Variants in PKHD1L1 observed in about 807,000 individuals in gnomAD.
The protein encoded by PKHD1L1 is fibrocystin-L.
In PKHD1L1, 434 loss-of-function variants were observed where a neutral mutation model predicts 462.9. That is an observed-to-expected ratio of 0.94 (90% CI 0.87 to 1.02). The LOEUF is 1.02. Among genes scored for constraint, PKHD1L1 ranks in the 50% least tolerant of loss-of-function variants. The pLI is 0.00. For missense variants in PKHD1L1, 5,202 were observed against 5,096.1 expected (o/e 1.02, Z -0.63); for synonymous variants, 1,781 against 1,750.0 (o/e 1.02, Z -0.44).
Position 109,532,880 on chromosome 8 carries a change from T to A in PKHD1L1, c.*2790T>A, listed in dbSNP as rs1433524622. Among the ~76,000 whole-genome samples, 1 of 152,222 alleles carries A rather than the reference T, an allele frequency of 6.6e-6. No individual in the cohort carries two copies. Among genetic ancestry groups the A allele is most frequent in the African/African-American group, 2.4e-5 (1 of 41,458 alleles). ...CACTAATAATAACAATAATCAATAA[T>A]AAAGTAAAGGTTTATCACATGTTCA... On this transcript the variant is annotated 3_prime_UTR_variant, in exon 78 of 78. Coordinates refer to ENST00000378402, the MANE Select transcript of PKHD1L1 (RefSeq NM_177531.6).
intron 70 of PKHD1L1, among the ~76,000 whole-genome samples, chr8:109,509,860 TAGGA>T (rs1336990309): frequency 6.6e-6 from 1 of 152,104 alleles, no homozygotes; most frequent in Non-Finnish European, 1.5e-5. Flanking sequence ...CCAAGTAAGC[TAGGA>T]AATTCAGAAA....
intron 2 of PKHD1L1, among the ~76,000 whole-genome samples, chr8:109,367,310 A>G (rs759897837): frequency 6.6e-6 from 1 of 152,248 alleles, no homozygotes; most frequent in Non-Finnish European, 1.5e-5. Flanking sequence ...GTACTTATTT[A>G]TCAATTACAC....
Position 109,512,599 on chromosome 8 carries a change from C to A in PKHD1L1, c.11553+1665C>A, listed in dbSNP as rs1405761960. ...TACCATGCTGTTTTGGTTACTGTAGCCTTGTAGTATAGTTTGAAGTCAGGT... is the reference window on the plus strand; with the variant it reads ...TACCATGCTGTTTTGGTTACTGTAGACTTGTAGTATAGTTTGAAGTCAGGT... On this transcript the variant is annotated intron_variant, in intron 71 of 77. Transcript: ENST00000378402. Among the ~76,000 whole-genome samples the A allele has an allele frequency of 1.1e-3, 161 of 151,216 alleles. 1 individual carries two copies. The highest frequency in any genetic ancestry group is 3.8e-3 in the African/African-American group (156 of 41,368).
chr8:109,381,460 C>T lies in PKHD1L1; in HGVS notation c.254C>T (p.Thr85Ile), dbSNP rs764422173. ...VQLISSFQSI[T>I]CDVEKDASHS... Reference sequence around the variant, plus strand: ...TTAATTTCTTCTTTCCAGTCAATTACTTGTGATGTAGAAAAAGATGCAAGT... The same window carrying T: ...TTAATTTCTTCTTTCCAGTCAATTATTTGTGATGTAGAAAAAGATGCAAGT... Residue 85 changes from threonine to isoleucine, a missense_variant, in exon 3 of 78, where the codon ACT (threonine) becomes ATT (isoleucine). Physicochemically the swap from Thr to Ile is moderately conservative, Grantham distance 89 (BLOSUM62 -1). This residue lies in a region of PKHD1L1 where 4,497 missense variants were observed against 4,336.8 expected (regional missense o/e 1.04). Coordinates refer to ENST00000378402, the MANE Select transcript of PKHD1L1 (RefSeq NM_177531.6). 3.8e-6 allele frequency: 6 copies of T among 1,584,234 alleles called. No homozygotes were observed. The highest frequency in any genetic ancestry group is 3.4e-5 in the South Asian group (3 of 87,120).
In PKHD1L1 at chr8:109,451,057, A is replaced by G. The variant is rs1394689549; in HGVS notation, c.6258A>G (p.Ala2086=). ...AGTCCATGACTCCGTTTACGTACGC[A>G]GTGTCACTGACTCCACTCATCACTG... ...LSQSMTPFTY[A]VSLTPLITAV... Residue 2086 remains alanine (A), a synonymous_variant, in exon 41 of 78, where the codon GCA becomes GCG. Transcript: ENST00000378402. The G allele has an allele frequency of 3.1e-6, 5 of 1,613,840 alleles. No individual in the cohort carries two copies. Among genetic ancestry groups the G allele is most frequent in the East Asian group, 2.2e-5 (1 of 44,854 alleles).
At chr8:109,453,442 A>G (rs1816650234) in intron 43 of PKHD1L1, among the ~76,000 whole-genome samples, 1 of 152,224 alleles carries the variant, frequency 6.6e-6, no homozygotes, top group Non-Finnish European at 1.5e-5. Flanking sequence ...AATAACCACA[A>G]CTGTGATAAT....
rs1006573104 is a variant in PKHD1L1 at position 109,477,358 on chromosome 8, A to G, written c.9051A>G (p.Ser3017=). The G allele has an allele frequency of 1.9e-6, 3 of 1,613,422 alleles. No homozygotes were observed. The highest frequency in any genetic ancestry group is 2.5e-6 in the Non-Finnish European group (3 of 1,179,618). ...LQDCFPVHPP[S]RKPIPKKRPA... is the part of the protein sequence containing the mutation. The stretch of plus-strand genomic sequence containing the variant: ...ATTGCTTTCCTGTACATCCGCCATC[A>G]AGAAAACCAATTCCCAAGAAGCGAC... Residue 3017 remains serine, a synonymous_variant, in exon 53 of 78, where the codon TCA becomes TCG. Transcript: ENST00000378402.
Position 109,396,112 on chromosome 8 carries a change from T to C in PKHD1L1, c.897T>C (p.Asp299=), listed in dbSNP as rs750232906. 1 of 1,608,540 alleles carries C rather than the reference T, an allele frequency of 6.2e-7. No individual in the cohort carries two copies. Among genetic ancestry groups the C allele is most frequent in the Non-Finnish European group, 8.5e-7 (1 of 1,177,568 alleles). Residue 299 remains aspartate, a synonymous_variant, in exon 11 of 78, where the codon GAT becomes GAC. Coordinates refer to ENST00000378402, the MANE Select transcript of PKHD1L1 (RefSeq NM_177531.6). ...TISGRFFDQT[D]FPVRVLVGGE... ...GTGGGCGTTTCTTTGATCAGACAGA[T>C]TTCCCCGTCAGAGTTCTAGTTGGAG...
chr8:109,445,472 A>T lies in PKHD1L1; in HGVS notation c.5603A>T (p.Glu1868Val). ...PGNTTVTIGD[E>V]PCQIISINPN... ...AACACTACAGTCACTATTGGGGATG[A>T]ACCTTGTCAAATTATTTCCATCAAC... The change falls in exon 38 of 78, where the codon GAA becomes GTA. Residue 1868 changes from glutamate (E) to valine (V), a missense_variant. By Grantham distance (121) the Glu-to-Val change is moderately radical (BLOSUM62 -2). This residue lies in a region of PKHD1L1 where 4,497 missense variants were observed against 4,336.8 expected (regional missense o/e 1.04). Coordinates refer to ENST00000378402, the MANE Select transcript of PKHD1L1 (RefSeq NM_177531.6). 6.2e-7 allele frequency: 1 copy of T among 1,613,900 alleles called. No homozygotes were observed. The highest frequency in any genetic ancestry group is 8.5e-7 in the Non-Finnish European group (1 of 1,179,858).
At chr8:109,484,256 C>T (rs117067905) in intron 57 of PKHD1L1, among the ~76,000 whole-genome samples, 97 of 151,842 alleles carry the variant, frequency 6.4e-4, no homozygotes, top group Non-Finnish European at 1.1e-3. Context: ...TTTGATATCC[C>T]TATTATTTAT....
At chr8:109,505,773 TG>T (rs1819656997) in intron 68 of PKHD1L1, among the ~76,000 whole-genome samples, 1 of 151,372 alleles carries the variant, frequency 6.6e-6, no homozygotes, top group Non-Finnish European at 1.5e-5. Flanking sequence ...GGTGTGGTGG[TG>T]TACACCTGTG....
At chr8:109,429,123 T>A (rs141269101) in intron 25 of PKHD1L1, among the ~76,000 whole-genome samples, 3 of 152,298 alleles carry the variant, frequency 2.0e-5, no homozygotes, top group Admixed American at 1.3e-4. Flanking sequence ...ATGCAATGTA[T>A]GATAATGCAA....
At chr8:109,436,266 A>T in intron 29 of PKHD1L1, 72 bp from the exon 30 acceptor site, 1 of 1,482,024 alleles carries the variant, frequency 6.7e-7, no homozygotes, top group Non-Finnish European at 9.1e-7. Flanking sequence ...ATTCTCAAAA[A>T]ATGTTACTAA....
intron 76 of PKHD1L1, among the ~76,000 whole-genome samples, chr8:109,524,697 C>G (rs1183849971): frequency 2.0e-5 from 3 of 151,972 alleles, no homozygotes; most frequent in Non-Finnish European, 4.4e-5. Flanking sequence ...AGTTTTTTTT[C>G]AGAATTCAAA....
In PKHD1L1 at chr8:109,508,245, T is replaced by A. The variant is rs760075633; in HGVS notation, c.11376T>A (p.Gly3792=). 6.2e-6 allele frequency: 10 copies of A among 1,607,368 alleles called. No homozygotes were observed. Among genetic ancestry groups the A allele is most frequent in the Middle Eastern group, 3.3e-4 (2 of 6,012 alleles). ...RLSPVAIMGN[G]YVDLINGPQD... ...CCCCAGTGGCTATAATGGGCAACGG[T>A]TATGTTGATCTTATTAATGGTAGGT... The change falls in exon 70 of 78, where the codon GGT becomes GGA. Residue 3792 remains glycine (G), a synonymous_variant. Transcript: ENST00000378402.
chr8:109,390,834 A>G (rs917540504), intron 9 of PKHD1L1, among the ~76,000 whole-genome samples: 1 of 151,352 alleles, frequency 6.6e-6, no homozygotes, highest in Non-Finnish European at 1.5e-5. Context: ...ATGGAAGAAT[A>G]AAAAAAACCT....
intron 50 of PKHD1L1, chr8:109,470,186 T>A: frequency 1.3e-6 from 1 of 792,284 alleles, no homozygotes. Flanking sequence ...GAAAAGTATC[T>A]GGAGGATCCT....
chr8:109,510,661 G>T, intron 70 of PKHD1L1, 116 bp from the exon 71 acceptor site: 1 of 1,307,846 alleles, frequency 7.6e-7, no homozygotes, highest in South Asian at 1.5e-5. Context: ...TATAAATGCT[G>T]AACTTGCATT....
At chr8:109,466,143 G>T (rs568477050) in intron 49 of PKHD1L1, among the ~76,000 whole-genome samples, 1 of 152,302 alleles carries the variant, frequency 6.6e-6, no homozygotes, top group South Asian at 2.1e-4. Context: ...TTTAAAGAGG[G>T]AGAATGTTTG....
Sources: gnomAD v4.1 joint callset for allele counts (sites outside exome capture counted in the v4.1 genomes callset) on GRCh38, gnomAD v4.1.1 for gene constraint, gnomAD v4.1.1 regional missense constraint, MANE v1.5 for transcripts, NCBI Gene and HGNC (gene_info 2026-07-23, HGNC 2026-07-21) for gene names.